The following CEP112 variants were observed in gnomAD, a reference collection of about 807,000 sequenced individuals.
CEP112 encodes centrosomal protein of 112 kDa.
A neutral mutation model predicts 153.0 loss-of-function variants in CEP112; 127 were observed. The observed-to-expected ratio is 0.83, with a 90% CI of 0.72 to 0.96. The LOEUF is 0.96. CEP112 is among the 40% of genes least tolerant of loss of function. The pLI is 0.00. For missense variants in CEP112, 1,089 were observed against 1,101.2 expected (o/e 0.99, Z 0.16); for synonymous variants, 358 against 374.4 (o/e 0.96, Z 0.51).
intron 23 of CEP112, among the ~76,000 whole-genome samples, chr17:65,733,401 CA>C (rs916737789): frequency 6.6e-6 from 1 of 152,098 alleles, no homozygotes; most frequent in African/African-American, 2.4e-5. Context: ...CACAGAGACA[CA>C]AAGTGAGCAC....
chr17:65,649,091 C>A (rs200077004), intron 24 of CEP112, among the ~76,000 whole-genome samples: 3,112 of 102,598 alleles, frequency 0.03, 82 homozygotes, highest in African/African-American at 0.071. Flanking sequence ...CACACACACA[C>A]ACACACACAC....
intron 6 of CEP112, among the ~76,000 whole-genome samples, chr17:66,098,677 G>A (rs752655980): frequency 4.6e-5 from 7 of 152,120 alleles, no homozygotes; most frequent in East Asian, 1.9e-4. Flanking sequence ...TCGTGTGGAC[G>A]CCAGATCCTA....
chr17:65,841,340 A>AT (rs1235378085), intron 21 of CEP112, among the ~76,000 whole-genome samples: 1 of 152,078 alleles, frequency 6.6e-6, no homozygotes, highest in African/African-American at 2.4e-5. Flanking sequence ...AAATTCTGTC[A>AT]TTTTCAGCAA....
intron 21 of CEP112, among the ~76,000 whole-genome samples, chr17:65,761,411 C>T (rs952606331): frequency 1.3e-5 from 2 of 151,850 alleles, no homozygotes; most frequent in Non-Finnish European, 2.9e-5. Flanking sequence ...TTTGGCTCTG[C>T]CCTATTTTTA....
chr17:65,849,110 GCTA>G (rs1357451766), intron 21 of CEP112, among the ~76,000 whole-genome samples: 2 of 152,270 alleles, frequency 1.3e-5, no homozygotes, highest in Admixed American at 1.3e-4. Flanking sequence ...TGATCCTGAA[GCTA>G]TCTTAGCTTG....
intron 4 of CEP112, among the ~76,000 whole-genome samples, chr17:66,154,892 A>C (rs1164307608): frequency 1.3e-5 from 2 of 152,220 alleles, no homozygotes; most frequent in Non-Finnish European, 2.9e-5. Context: ...GACCTTTAAG[A>C]GGTAGTTAGG....
chr17:65,865,773 A>G (rs972508288), intron 20 of CEP112, among the ~76,000 whole-genome samples: 1 of 152,114 alleles, frequency 6.6e-6, no homozygotes, highest in Non-Finnish European at 1.5e-5. Context: ...AGTGTGCAGA[A>G]CCCACTCCTG....
intron 21 of CEP112, among the ~76,000 whole-genome samples, chr17:65,755,006 G>A (rs554325693): frequency 2.5e-4 from 38 of 151,978 alleles, no homozygotes; most frequent in Non-Finnish European, 5.1e-4. Context: ...GGGTTGGTCT[G>A]TGCAGCAAAC....
At chr17:65,812,702 C>T (rs1242233777) in intron 21 of CEP112, among the ~76,000 whole-genome samples, 2 of 152,036 alleles carry the variant, frequency 1.3e-5, no homozygotes, top group African/African-American at 2.4e-5. Flanking sequence ...AAAAGGCAAC[C>T]TTCTAAAAAA....
chr17:65,642,468 A>C (rs1051078591), intron 24 of CEP112, among the ~76,000 whole-genome samples: 4 of 152,104 alleles, frequency 2.6e-5, no homozygotes, highest in African/African-American at 9.6e-5. Flanking sequence ...ACCTACTAAA[A>C]TCCTGTGGCC....
At chr17:65,733,551 G>A (rs951760981) in intron 23 of CEP112, among the ~76,000 whole-genome samples, 12 of 152,104 alleles carry the variant, frequency 7.9e-5, no homozygotes, top group Non-Finnish European at 1.5e-4. Context: ...TATACAAGGC[G>A]CACGATATTT....
chr17:66,118,888 CAAACAAAA>C (rs2069434113), intron 6 of CEP112, among the ~76,000 whole-genome samples: 1 of 123,742 alleles, frequency 8.1e-6, no homozygotes, highest in African/African-American at 2.6e-5. Flanking sequence ...ATAGTTCCAT[CAAACAAAA>C]AAAAATCCCT....
chr17:65,891,416 A>G (rs942951296), intron 20 of CEP112, among the ~76,000 whole-genome samples: 7 of 152,162 alleles, frequency 4.6e-5, no homozygotes, highest in Non-Finnish European at 1.0e-4. Flanking sequence ...GCTTGGCAAC[A>G]AAAGACCTCT....
At position 65,814,053 on chromosome 17, in the gene CEP112, C is replaced by T. The variant is rs115160650; in HGVS notation, c.2394+37751G>A. Among the ~76,000 whole-genome samples, 201 of 152,240 alleles carry T rather than the reference C, an allele frequency of 1.3e-3. 2 individuals carry two copies. Among genetic ancestry groups the T allele is most frequent in the African/African-American group, 3.8e-3 (160 of 41,560 alleles). On this transcript the variant is annotated intron_variant, in intron 21 of 26. Coordinates refer to ENST00000535342, the MANE Select transcript of CEP112 (RefSeq NM_001199165.4). ...TAAATACCTATATCCTCTACAGGTG[C>T]CCTTTTCTCATAATAGAAAAGAGAT... is the stretch of plus-strand genomic sequence containing the variant.
chr17:65,791,064 G>T (rs2145725633), intron 21 of CEP112, among the ~76,000 whole-genome samples: 1 of 149,144 alleles, frequency 6.7e-6, no homozygotes, highest in South Asian at 2.2e-4. Flanking sequence ...ATCTTCATAT[G>T]ATTTTGGGGG....
At chr17:65,825,245 A>G (rs535520936) in intron 21 of CEP112, among the ~76,000 whole-genome samples, 1 of 152,364 alleles carries the variant, frequency 6.6e-6, no homozygotes, top group African/African-American at 2.4e-5. Context: ...AACTACTACT[A>G]TATAATTCCA....
At chr17:66,038,110 A>AAAAAAAAAAAAT in intron 12 of CEP112, among the ~76,000 whole-genome samples, 1 of 120,710 alleles carries the variant, frequency 8.3e-6, no homozygotes, top group African/African-American at 3.3e-5. Context: ...CAAAAAAAAA[A>AAAAAAAAAAAAT]AAAAGAAAAG....
intron 8 of CEP112, among the ~76,000 whole-genome samples, chr17:66,088,311 A>T (rs1250021964): frequency 1.3e-5 from 2 of 152,122 alleles, no homozygotes; most frequent in African/African-American, 4.8e-5. Context: ...CAGCAGACTC[A>T]GTCTCTGGAC....
At chr17:65,837,143 C>T (rs575819917) in intron 21 of CEP112, among the ~76,000 whole-genome samples, 13 of 152,278 alleles carry the variant, frequency 8.5e-5, no homozygotes, top group Non-Finnish European at 1.8e-4. Context: ...GGCGTGATCT[C>T]GGCTCGCTAC....
Sources: gnomAD v4.1 joint callset for allele counts (sites outside exome capture counted in the v4.1 genomes callset) on GRCh38, gnomAD v4.1.1 for gene constraint, MANE v1.5 for transcripts, NCBI Gene and HGNC (gene_info 2026-07-23, HGNC 2026-07-21) for gene names.